Variants in TLK2 observed in about 807,000 individuals in gnomAD.
TLK2 encodes the protein tousled like kinase 2.
A neutral mutation model predicts 117.3 loss-of-function variants in TLK2; 6 were observed. The ratio of observed to expected loss-of-function variants is 0.05; its 90% CI spans 0.03 to 0.10. TLK2 has a LOEUF of 0.10. Ranked by LOEUF, TLK2 falls within the 10% of genes least tolerant of loss-of-function variation. TLK2 has a pLI of 1.00. For synonymous variants in TLK2, 257 were observed against 316.7 expected (o/e 0.81, Z 2.00); for missense variants, 299 against 901.2 (o/e 0.33, Z 8.56).
At chr17:62,607,453 C>T (rs1235382709) in intron 20 of TLK2, among the ~76,000 whole-genome samples, 2 of 151,724 alleles carry the variant, frequency 1.3e-5, no homozygotes, top group Non-Finnish European at 1.5e-5. Flanking sequence ...GGCATGAACC[C>T]GGGAGGCAGA....
At chr17:62,488,070 G>T (rs1202009320) in intron 2 of TLK2, among the ~76,000 whole-genome samples, 12 of 152,036 alleles carry the variant, frequency 7.9e-5, no homozygotes, top group Admixed American at 7.2e-4. Flanking sequence ...CTCCCGAGTG[G>T]CTGGGAGGTG....
chr17:62,515,075 C>CT (rs1598327243), intron 2 of TLK2, among the ~76,000 whole-genome samples: 1 of 152,330 alleles, frequency 6.6e-6, no homozygotes. Context: ...CTTTCTGACT[C>CT]TATGAATTTA....
intron 17 of TLK2, among the ~76,000 whole-genome samples, chr17:62,599,718 C>G (rs780054528): frequency 1.2e-4 from 19 of 152,176 alleles, no homozygotes; most frequent in Non-Finnish European, 2.4e-4. Context: ...TCTGTATGAT[C>G]AGTTCCCTGA....
At chr17:62,475,161 ACG>A (rs2071014800), upstream of TLK2, among the ~76,000 whole-genome samples, 1 of 152,202 alleles carries the variant, frequency 6.6e-6, no homozygotes, top group African/African-American at 2.4e-5. Flanking sequence ...TATATCAAGC[ACG>A]GTTACAAGGC....
chr17:62,488,952 A>T (rs1238836490), intron 2 of TLK2, among the ~76,000 whole-genome samples: 1 of 150,114 alleles, frequency 6.7e-6, no homozygotes, highest in African/African-American at 2.5e-5. Context: ...CAGCCTCCTG[A>T]GTAGCTGGGC....
chr17:62,515,985 C>T (rs2075550094), intron 2 of TLK2, among the ~76,000 whole-genome samples: 2 of 151,918 alleles, frequency 1.3e-5, no homozygotes, highest in Admixed American at 1.3e-4. Flanking sequence ...AGTGCAGTGG[C>T]GCGATTTCAG....
In TLK2 at chr17:62,535,177, T is replaced by C. The variant is rs1275297125; in HGVS notation, c.364-993T>C. 2.0e-5 allele frequency among the ~76,000 whole-genome samples: 3 copies of C among 152,126 alleles called. No individual in the cohort carries two copies. The East Asian group carries it at 5.8e-4, about 29-fold the overall frequency. On this transcript the variant is annotated intron_variant, in intron 6 of 21. Transcript: ENST00000346027. The stretch of plus-strand genomic sequence containing the variant: ...TACTGGGATTACAGGCATGAGCCAT[T>C]GTGCCTTGCCAATTCCAGTCTTTTA...
chr17:62,510,037 C>T (rs936605576), intron 2 of TLK2, among the ~76,000 whole-genome samples: 4 of 152,162 alleles, frequency 2.6e-5, no homozygotes, highest in Admixed American at 1.3e-4. Context: ...CCAGCACTTT[C>T]GGAGGTAGAG....
At chr17:62,574,343 AG>A in intron 12 of TLK2, 1 of 1,544,880 alleles carries the variant, frequency 6.5e-7, no homozygotes, top group Non-Finnish European at 8.7e-7. Flanking sequence ...ATTTTATGCT[AG>A]GCCCTCTTCT....
intron 6 of TLK2, among the ~76,000 whole-genome samples, chr17:62,535,163 C>T (rs2077028940): frequency 1.3e-5 from 2 of 152,094 alleles, no homozygotes; most frequent in African/African-American, 4.8e-5. Context: ...ACTGGGATTA[C>T]AGGCATGAGC....
In TLK2 at chr17:62,560,544, A is replaced by C. The variant is rs529702233; in HGVS notation, c.831+418A>C. Among the ~76,000 whole-genome samples, 527 of 89,308 alleles carry C rather than the reference A, an allele frequency of 5.9e-3. 3 individuals are homozygous for C. Among genetic ancestry groups the C allele is most frequent in the African/African-American group, 0.019 (492 of 25,814 alleles). 58.6% of individuals were successfully genotyped at this position (89,308 alleles called of 152,430 possible). On this transcript the variant is annotated intron_variant, in intron 10 of 21. Transcript: ENST00000346027. ...GTGATAATTAATGCTTTGTGCATTA[A>C]AAAATTAAAGTTGTCATATACCTGC...
intron 9 of TLK2, among the ~76,000 whole-genome samples, chr17:62,559,683 AT>A (rs1272092565): frequency 6.6e-6 from 1 of 151,996 alleles, no homozygotes; most frequent in Non-Finnish European, 1.5e-5. Flanking sequence ...CAGCTTTAAC[AT>A]TTTTTTAATT....
chr17:62,604,916 TCAA>T (rs2083161150), intron 19 of TLK2, among the ~76,000 whole-genome samples: 2 of 152,242 alleles, frequency 1.3e-5, no homozygotes, highest in South Asian at 2.1e-4. Context: ...TTGGATGAGT[TCAA>T]CAACTCCTAT....
intron 6 of TLK2, 29 bp from the exon 7 acceptor site, chr17:62,536,141 C>G: frequency 6.2e-7 from 1 of 1,600,258 alleles, no homozygotes; most frequent in Non-Finnish European, 8.5e-7. Flanking sequence ...TTTCTCATGT[C>G]ATTTGTGTGT....
intron 11 of TLK2, among the ~76,000 whole-genome samples, chr17:62,571,716 T>C (rs1301755587): frequency 1.3e-5 from 2 of 152,230 alleles, no homozygotes; most frequent in Non-Finnish European, 1.5e-5. Context: ...CTTCTAGATA[T>C]GTTCGAATAA....
At chr17:62,488,500 CCT>C (rs2072731104) in intron 2 of TLK2, among the ~76,000 whole-genome samples, 2 of 152,074 alleles carry the variant, frequency 1.3e-5, no homozygotes, top group African/African-American at 4.8e-5. Context: ...TGAGAAATGG[CCT>C]ATACTTATAT....
At chr17:62,556,548 A>G (rs115993674) in intron 9 of TLK2, among the ~76,000 whole-genome samples, 2,744 of 152,216 alleles carry the variant, frequency 0.018, 74 homozygotes, top group African/African-American at 0.062. Flanking sequence ...CCCTTGTTCT[A>G]TTCGTTCTGC....
At chr17:62,548,118 G>A (rs555787284) in intron 7 of TLK2, among the ~76,000 whole-genome samples, 34 of 152,052 alleles carry the variant, frequency 2.2e-4, no homozygotes, top group African/African-American at 6.3e-4. Flanking sequence ...AGGAAAGTGC[G>A]CACACTGTTT....
intron 2 of TLK2, among the ~76,000 whole-genome samples, chr17:62,490,368 T>C (rs1440746263): frequency 6.6e-6 from 1 of 152,186 alleles, no homozygotes; most frequent in Non-Finnish European, 1.5e-5. Flanking sequence ...AACCTATACG[T>C]TGAAATTTTA....
Sources: gnomAD v4.1 joint callset for allele counts (sites outside exome capture counted in the v4.1 genomes callset) on GRCh38, gnomAD v4.1.1 for gene constraint, MANE v1.5 for transcripts, NCBI Gene and HGNC (gene_info 2026-07-23, HGNC 2026-07-21) for gene names.